Variants in GPC5 observed in about 807,000 individuals in gnomAD.
GPC5 encodes the protein glypican 5, also known as glypican-5.
A neutral mutation model predicts 53.9 loss-of-function variants in GPC5; 47 were observed. That is an observed-to-expected ratio of 0.87 (90% CI 0.69 to 1.11). GPC5 has a LOEUF of 1.11. GPC5 is among the 50% of genes most tolerant of loss of function. GPC5 has a pLI of 0.00. For synonymous variants in GPC5, 286 were observed against 263.3 expected (o/e 1.09, Z -0.84); for missense variants, 748 against 713.1 (o/e 1.05, Z -0.56).
rs564187100 is a variant in GPC5 at position 92,749,446 on chromosome 13, T to C, written c.1562-116836T>C. On this transcript the variant is annotated intron_variant, in intron 7 of 7. Transcript: ENST00000377067. The stretch of plus-strand genomic sequence containing the variant: ...AAAATAGTTCATCCGGAAAAAAAAG[T>C]ATGCTATTTTATGTTTCACAATAAC... Among the ~76,000 whole-genome samples the C allele has an allele frequency of 3.3e-5, 5 of 152,246 alleles. No homozygotes were observed. The South Asian group carries it at 1.0e-3, about 32-fold the overall frequency.
chr13:92,175,321 T>A (rs4238301), intron 7 of GPC5, among the ~76,000 whole-genome samples: 68,072 of 152,066 alleles, frequency 0.45, 15,460 homozygotes, highest in South Asian at 0.64. Context: ...ATACCATATT[T>A]TGTATCTATA....
chr13:92,666,913 G>A (rs1166888714), intron 7 of GPC5, among the ~76,000 whole-genome samples: 2 of 152,148 alleles, frequency 1.3e-5, no homozygotes, highest in African/African-American at 4.8e-5. Context: ...GCTTCAGGAA[G>A]GGATCTCATT....
chr13:92,646,929 CATGTGTGTGTGT>C lies in GPC5; in HGVS notation c.1562-219352_1562-219341del, dbSNP rs1294207049. Among the ~76,000 whole-genome samples the C allele has an allele frequency of 3.2e-4, 43 of 135,152 alleles. No individual in the cohort carries two copies. The East Asian group carries it at 6.4e-3, about 20-fold the overall frequency. 88.7% of individuals were successfully genotyped at this position (135,152 alleles called of 152,430 possible). A position where few individuals can be genotyped will look rare whatever the true frequency, so the allele number is the denominator to read the frequency against. ...ACATATATATGTAAATATATATAAACATGTGTGTGTGTGTGTGTGTGTGTGTGTGTGTGTGTG... is the reference window on the plus strand; with the variant it reads ...ACATATATATGTAAATATATATAAACGTGTGTGTGTGTGTGTGTGTGTGTG... On this transcript the variant is annotated intron_variant, in intron 7 of 7. Coordinates refer to ENST00000377067, the MANE Select transcript of GPC5 (RefSeq NM_004466.6).
At position 92,213,721 on chromosome 13, in the gene GPC5, A is replaced by G. The variant is rs149610636; in HGVS notation, c.1561+68732A>G. The stretch of plus-strand genomic sequence containing the variant: ...AATAAAGAGTTCCTTTATGGTCTTG[A>G]GAATAAAAAAGCCCAACTCCTAAAT... On this transcript the variant is annotated intron_variant, in intron 7 of 7. Coordinates refer to ENST00000377067, the MANE Select transcript of GPC5 (RefSeq NM_004466.6). 1.5e-3 allele frequency among the ~76,000 whole-genome samples: 234 copies of G among 152,262 alleles called. 3 individuals carry two copies. The highest frequency in any genetic ancestry group is 3.1e-3 in the East Asian group (16 of 5,176).
intron 2 of GPC5, among the ~76,000 whole-genome samples, chr13:91,526,829 G>C (rs1886108117): frequency 6.6e-6 from 1 of 152,156 alleles, no homozygotes; most frequent in African/African-American, 2.4e-5. Flanking sequence ...AAGGTGAAGG[G>C]GAAGCAAGGC....
intron 6 of GPC5, among the ~76,000 whole-genome samples, chr13:92,080,287 C>T (rs979940044): frequency 1.4e-4 from 22 of 152,130 alleles, no homozygotes; most frequent in Admixed American, 1.4e-3. Flanking sequence ...GTCCCATTCA[C>T]GTCCATAGCA....
chr13:91,945,796 C>T (rs776162664), intron 6 of GPC5, among the ~76,000 whole-genome samples: 6 of 152,252 alleles, frequency 3.9e-5, no homozygotes, highest in South Asian at 4.1e-4. Flanking sequence ...TCAAGCCTTA[C>T]GCTTTCCCTG....
At chr13:92,474,146 T>C (rs1879011120) in intron 7 of GPC5, among the ~76,000 whole-genome samples, 3 of 94,348 alleles carry the variant, frequency 3.2e-5, no homozygotes. Context: ...GCCATTGATC[T>C]GTTTTTTTTT....
intron 1 of GPC5, among the ~76,000 whole-genome samples, chr13:91,445,886 G>A (rs957494022): frequency 6.6e-6 from 1 of 152,194 alleles, no homozygotes; most frequent in South Asian, 2.1e-4. Flanking sequence ...GGGAGCTACT[G>A]TATTCTCAAG....
chr13:92,851,754 T>C (rs899251013), intron 7 of GPC5, among the ~76,000 whole-genome samples: 3 of 148,114 alleles, frequency 2.0e-5, no homozygotes, highest in Non-Finnish European at 4.5e-5. Flanking sequence ...CCAGGCGTGG[T>C]GGTGGGTGCC....
chr13:92,077,629 C>T (rs551939335), intron 6 of GPC5, among the ~76,000 whole-genome samples: 1 of 152,254 alleles, frequency 6.6e-6, no homozygotes, highest in East Asian at 1.9e-4. Flanking sequence ...TTGCTGCTTC[C>T]TCCTTGATCT....
intron 4 of GPC5, among the ~76,000 whole-genome samples, chr13:91,741,679 CTTTA>C (rs994223146): frequency 7.9e-5 from 12 of 152,190 alleles, no homozygotes; most frequent in African/African-American, 2.4e-4. Context: ...TAATACAACA[CTTTA>C]TTAATGAATC....
At chr13:91,595,236 C>G (rs1006914118) in intron 2 of GPC5, among the ~76,000 whole-genome samples, 4 of 151,884 alleles carry the variant, frequency 2.6e-5, no homozygotes, top group Non-Finnish European at 5.9e-5. Flanking sequence ...CCAGGATGGC[C>G]TCGTTCTCTT....
intron 3 of GPC5, among the ~76,000 whole-genome samples, chr13:91,725,596 A>G (rs2036560074): frequency 6.6e-6 from 1 of 152,212 alleles, no homozygotes; most frequent in Non-Finnish European, 1.5e-5. Flanking sequence ...TTTGGATACA[A>G]TCAAAGATAT....
At chr13:92,241,714 T>C (rs1163065108) in intron 7 of GPC5, 1 of 152,208 alleles carries the variant, frequency 6.6e-6, no homozygotes, top group African/African-American at 2.4e-5. Flanking sequence ...ACATATGTCT[T>C]TGAGGTAGCT....
chr13:92,401,155 A>G (rs1031113845), intron 7 of GPC5, among the ~76,000 whole-genome samples: 21 of 151,562 alleles, frequency 1.4e-4, no homozygotes, highest in African/African-American at 4.6e-4. Context: ...TTTGTTTCTA[A>G]TTCTTCTTTG....
intron 7 of GPC5, among the ~76,000 whole-genome samples, chr13:92,207,730 G>A (rs554102258): frequency 7.2e-5 from 11 of 152,166 alleles, no homozygotes; most frequent in Middle Eastern, 3.4e-3. Context: ...ATTACTCTGC[G>A]GTTATCTGTC....
At chr13:91,437,778 C>T (rs1366399394) in intron 1 of GPC5, among the ~76,000 whole-genome samples, 12 of 152,168 alleles carry the variant, frequency 7.9e-5, no homozygotes, top group African/African-American at 1.4e-4. Flanking sequence ...CCATTCTCCC[C>T]GTCACTTTCA....
At chr13:92,573,327 T>C (rs562384458) in intron 7 of GPC5, among the ~76,000 whole-genome samples, 1 of 152,350 alleles carries the variant, frequency 6.6e-6, no homozygotes, top group African/African-American at 2.4e-5. Flanking sequence ...TAAGGGTAAC[T>C]GGCACTAAGC....
Sources: allele counts gnomAD v4.1 joint callset (sites outside exome capture counted in the v4.1 genomes callset), GRCh38; gene constraint gnomAD v4.1.1; transcripts MANE v1.5; gene names NCBI Gene and HGNC (gene_info 2026-07-23, HGNC 2026-07-21).